PIK3C2G: variants seen among roughly 807,000 people sequenced by gnomAD.
The protein encoded by PIK3C2G is phosphatidylinositol 3-kinase C2 domain-containing subunit gamma.
Under a neutral mutation model 181.1 loss-of-function variants are expected in PIK3C2G, and 168 were observed. That is an observed-to-expected ratio of 0.93 (90% CI 0.82 to 1.05). The LOEUF is 1.05. Among genes scored for constraint, PIK3C2G ranks in the 50% least tolerant of loss-of-function variants. The pLI is 0.00. For missense variants in PIK3C2G, 1,869 were observed against 1,732.8 expected (o/e 1.08, Z -1.40); for synonymous variants, 573 against 592.2 (o/e 0.97, Z 0.47).
intron 18 of PIK3C2G, among the ~76,000 whole-genome samples, chr12:18,445,251 TTTAA>T (rs1309645068): frequency 1.3e-5 from 2 of 152,134 alleles, no homozygotes; most frequent in African/African-American, 2.4e-5. Context: ...AATTAATTTC[TTTAA>T]TTAACACAGA....
At chr12:18,499,887 G>A (rs75608497) in intron 22 of PIK3C2G, among the ~76,000 whole-genome samples, 14,442 of 152,250 alleles carry the variant, frequency 0.095, 829 homozygotes, top group Middle Eastern at 0.22. Flanking sequence ...CAGGCCGCAC[G>A]CCTGCCATAC....
chr12:18,692,834 G>C, the PIK3C2G span: 30 of 1,580,324 alleles, frequency 1.9e-5, no homozygotes, highest in Non-Finnish European at 2.6e-5. Flanking sequence ...AACAACTCAA[G>C]GACAAGAAAA....
intron 18 of PIK3C2G, among the ~76,000 whole-genome samples, chr12:18,470,441 A>G (rs1303766309): frequency 6.6e-6 from 1 of 152,134 alleles, no homozygotes; most frequent in Non-Finnish European, 1.5e-5. Context: ...ATGAAACCAC[A>G]GCCCCATGCG....
intron 14 of PIK3C2G, among the ~76,000 whole-genome samples, chr12:18,389,687 A>G (rs1322795939): frequency 6.6e-6 from 1 of 152,208 alleles, no homozygotes; most frequent in Non-Finnish European, 1.5e-5. Flanking sequence ...AAAAATTCCA[A>G]TATTTTCTAT....
intron 31 of PIK3C2G, among the ~76,000 whole-genome samples, chr12:18,620,550 A>ATAGG (rs1948812444): frequency 6.6e-6 from 1 of 151,910 alleles, no homozygotes; most frequent in Non-Finnish European, 1.5e-5. Context: ...AGATAGATAG[A>ATAGG]TAGATAGATA....
chr12:18,362,697 T>G, intron 11 of PIK3C2G, 67 bp from the exon 12 acceptor site: 1 of 1,137,844 alleles, frequency 8.8e-7, no homozygotes, highest in African/African-American at 1.6e-5. Flanking sequence ...CAAAAATAAT[T>G]GACCCATATA....
chr12:18,410,607 G>A (rs1283340611), intron 16 of PIK3C2G, among the ~76,000 whole-genome samples: 1 of 151,806 alleles, frequency 6.6e-6, no homozygotes, highest in African/African-American at 2.4e-5. Flanking sequence ...TGTTCAAAAA[G>A]TCTAAGCTAG....
intron 24 of PIK3C2G, among the ~76,000 whole-genome samples, chr12:18,528,084 G>A (rs1033320450): frequency 2.0e-5 from 3 of 152,132 alleles, no homozygotes; most frequent in Non-Finnish European, 2.9e-5. Context: ...GCACTCTCAT[G>A]TTCTCATCAT....
intron 18 of PIK3C2G, among the ~76,000 whole-genome samples, chr12:18,475,925 G>T (rs1360923411): frequency 6.6e-6 from 1 of 151,988 alleles, no homozygotes; most frequent in African/African-American, 2.4e-5. Context: ...TTATTTAGTA[G>T]TATTTAATTC....
intron 20 of PIK3C2G, among the ~76,000 whole-genome samples, chr12:18,491,932 T>C (rs759663410): frequency 2.0e-5 from 3 of 152,204 alleles, no homozygotes; most frequent in Non-Finnish European, 2.9e-5. Context: ...TGCATAACCA[T>C]ACCTAGTACA....
At chr12:18,286,278 CACAT>C (rs1364029219) in intron 2 of PIK3C2G, among the ~76,000 whole-genome samples, 1 of 151,978 alleles carries the variant, frequency 6.6e-6, no homozygotes, top group Non-Finnish European at 1.5e-5. Context: ...AGCATGCATT[CACAT>C]AATTACTTGT....
rs779163129 is a variant in PIK3C2G at position 18,314,043 on chromosome 12, T to G, written c.1116T>G (p.Ala372=). ...TCCACCTGCAGAAAAGTAGGGAAGC[T>G]CCAGGAAAGCTATCTCGAAAGGTAA... ...IQLHLQKSRE[A]PGKLSRKHEE... Residue 372 remains alanine (A), a synonymous_variant, in exon 6 of 33, where the codon GCT becomes GCG. Transcript: ENST00000538779. 1.1e-5 allele frequency: 18 copies of G among 1,573,890 alleles called. No individual in the cohort carries two copies. The highest frequency in any genetic ancestry group is 1.5e-5 in the Non-Finnish European group (17 of 1,154,368).
At chr12:18,524,174 A>C (rs759362081) in intron 24 of PIK3C2G, among the ~76,000 whole-genome samples, 2 of 152,164 alleles carry the variant, frequency 1.3e-5, no homozygotes, top group Non-Finnish European at 2.9e-5. Flanking sequence ...GTCCCAGAAA[A>C]GTGGGAAGAC....
At chr12:18,518,343 G>A (rs922658093) in intron 24 of PIK3C2G, among the ~76,000 whole-genome samples, 3 of 152,080 alleles carry the variant, frequency 2.0e-5, no homozygotes, top group Admixed American at 1.3e-4. Context: ...TGTAGAATTC[G>A]GCTATGAATC....
chr12:18,326,713 AC>A (rs1011605007), intron 8 of PIK3C2G, among the ~76,000 whole-genome samples: 51 of 152,232 alleles, frequency 3.4e-4, no homozygotes, highest in Admixed American at 1.1e-3. Flanking sequence ...TTTGGTTAGT[AC>A]CTCTAATCAG....
At chr12:18,532,883 GTTTTT>G (rs139779917) in intron 24 of PIK3C2G, among the ~76,000 whole-genome samples, 1 of 124,960 alleles carries the variant, frequency 8.0e-6, no homozygotes. Flanking sequence ...AAAGTTTGCT[GTTTTT>G]TTTTTTTTTT....
intron 12 of PIK3C2G, among the ~76,000 whole-genome samples, chr12:18,369,010 C>T (rs549691942): frequency 2.6e-5 from 4 of 152,220 alleles, no homozygotes; most frequent in Admixed American, 6.5e-5. Context: ...AACCTCAGTC[C>T]GCACCTTTCA....
intron 31 of PIK3C2G, among the ~76,000 whole-genome samples, chr12:18,618,097 T>C (rs1948684267): frequency 6.6e-6 from 1 of 152,148 alleles, no homozygotes; most frequent in Non-Finnish European, 1.5e-5. Context: ...ATAAGGACGT[T>C]TTCTCTACTT....
chr12:18,699,932 C>A, the PIK3C2G span: 2 of 1,610,532 alleles, frequency 1.2e-6, no homozygotes, highest in African/African-American at 2.7e-5. Flanking sequence ...AAGGCCAGAG[C>A]AATTTTTAGC....
Sources: allele counts gnomAD v4.1 joint callset (sites outside exome capture counted in the v4.1 genomes callset), GRCh38; gene constraint gnomAD v4.1.1; transcripts MANE v1.5; gene names NCBI Gene and HGNC (gene_info 2026-07-23, HGNC 2026-07-21).